The following KIAA0586 variants were observed in gnomAD, a reference collection of about 807,000 sequenced individuals.
KIAA0586 encodes protein TALPID3.
In KIAA0586, 144 loss-of-function variants were observed where a neutral mutation model predicts 169.8. That is an observed-to-expected ratio of 0.85 (90% CI 0.74 to 0.97). KIAA0586 has a LOEUF of 0.97. Ranked by LOEUF, KIAA0586 falls within the 50% of genes least tolerant of loss-of-function variation. KIAA0586 has a pLI of 0.00. For synonymous variants in KIAA0586, 625 were observed against 612.4 expected (o/e 1.02, Z -0.30); for missense variants, 1,854 against 1,823.0 (o/e 1.02, Z -0.31).
At chr14:58,429,235 TG>T (rs2037152239) in intron 1 of KIAA0586, 127 bp from the exon 2 acceptor site, 4 of 598,488 alleles carry the variant, frequency 6.7e-6, no homozygotes, top group Non-Finnish European at 1.2e-5. Flanking sequence ...TAACTTTTTT[TG>T]CATGCAAATT....
At chr14:58,442,291 G>A (rs2038460252) in intron 4 of KIAA0586, among the ~76,000 whole-genome samples, 1 of 151,958 alleles carries the variant, frequency 6.6e-6, no homozygotes, top group African/African-American at 2.4e-5. Flanking sequence ...TGTATTTTTA[G>A]TAGAGACGGG....
At chr14:58,515,438 G>A (rs1376250658) in intron 29 of KIAA0586, among the ~76,000 whole-genome samples, 1 of 152,018 alleles carries the variant, frequency 6.6e-6, no homozygotes, top group Non-Finnish European at 1.5e-5. Flanking sequence ...TGAACATTAG[G>A]AAATTCAAAG....
chr14:58,463,929 G>A, intron 14 of KIAA0586: 2 of 393,608 alleles, frequency 5.1e-6, no homozygotes, highest in Non-Finnish European at 1.0e-5. Flanking sequence ...ACCAACCTGG[G>A]CACTGGGGAG....
chr14:58,507,408 T>C (rs1488909369), intron 27 of KIAA0586, among the ~76,000 whole-genome samples: 3 of 147,568 alleles, frequency 2.0e-5, no homozygotes, highest in Admixed American at 6.8e-5. Flanking sequence ...AAATTTTAAA[T>C]ATATATATTT....
chr14:58,500,768 AG>A (rs141583627), intron 27 of KIAA0586, among the ~76,000 whole-genome samples: 7,341 of 152,030 alleles, frequency 0.048, 256 homozygotes, highest in South Asian at 0.11. Flanking sequence ...TTCAGCACTA[AG>A]GGGCCATTTT....
At chr14:58,445,942 C>G (rs1244287618) in intron 6 of KIAA0586, among the ~76,000 whole-genome samples, 1 of 151,586 alleles carries the variant, frequency 6.6e-6, no homozygotes, top group Non-Finnish European at 1.5e-5. Context: ...AATCTCAGTT[C>G]ACTGCAGCCT....
Position 58,444,190 on chromosome 14 carries a change from T to A in KIAA0586, c.807+15T>A, listed in dbSNP as rs2038658361. On this transcript the variant is annotated intron_variant, in intron 6 of 30. Coordinates refer to ENST00000652326, the MANE Select transcript of KIAA0586 (RefSeq NM_001329943.3). ...TAGATATTCAGGTATCTGTAATAAA[T>A]CCAGTACAGATTCCATAATCTTTTA... 3 of 1,502,322 alleles carry A rather than the reference T, an allele frequency of 2.0e-6. No homozygotes were observed. The African/African-American group carries it at 4.1e-5, about 21-fold the overall frequency. 93.1% of individuals were successfully genotyped at this position (1,502,322 alleles called of 1,614,324 possible).
At chr14:58,487,198 AT>A (rs1282929809) in intron 22 of KIAA0586, 32 bp downstream of exon 22, 1 of 1,560,736 alleles carries the variant, frequency 6.4e-7, no homozygotes, top group Admixed American at 1.8e-5. Flanking sequence ...CTCGGTTTTA[AT>A]TTTAGCAACT....
chr14:58,499,024 G>A (rs1192876767), intron 27 of KIAA0586, 64 bp downstream of exon 27: 3 of 1,385,216 alleles, frequency 2.2e-6, no homozygotes, highest in African/African-American at 1.5e-5. Flanking sequence ...GTTGAGGAAA[G>A]TATACCTATT....
intron 29 of KIAA0586, among the ~76,000 whole-genome samples, chr14:58,527,135 C>T (rs763651890): frequency 2.6e-5 from 4 of 151,822 alleles, no homozygotes; most frequent in Non-Finnish European, 4.4e-5. Context: ...AGAAATAAAG[C>T]GTGAAGACAA....
intron 28 of KIAA0586, among the ~76,000 whole-genome samples, chr14:58,510,412 A>G (rs895028676): frequency 3.3e-5 from 5 of 152,162 alleles, no homozygotes; most frequent in African/African-American, 1.2e-4. Flanking sequence ...CATTAGGAAA[A>G]TGCAAAATAA....
rs768829727 is a variant in KIAA0586, at chr14:58,458,522, A to G, written c.1633A>G (p.Lys545Glu). ...CAGAAAGACAGTGGATGAATGGATT[A>G]AAACTATTTCTGCAGAAATTCAGGT... ...RIRKTVDEWI[K>E]TISAEIQDEL... The change falls in exon 12 of 31, where the codon AAA (lysine) becomes GAA (glutamate). Residue 545 changes from lysine (K) to glutamate (E), a missense_variant. Transcript: ENST00000652326. The G allele has an allele frequency of 6.5e-6, 10 of 1,541,748 alleles. No individual in the cohort carries two copies. The highest frequency in any genetic ancestry group is 8.8e-6 in the Non-Finnish European group (10 of 1,140,036).
intron 30 of KIAA0586, among the ~76,000 whole-genome samples, chr14:58,542,250 G>C (rs1290817347): frequency 6.6e-6 from 1 of 151,810 alleles, no homozygotes; most frequent in Non-Finnish European, 1.5e-5. Context: ...AGGCCGAGGT[G>C]GGCAGATCAC....
At chr14:58,473,798 C>T (rs1743711) in intron 18 of KIAA0586, among the ~76,000 whole-genome samples, 148,662 of 152,138 alleles carry the variant, frequency 0.98, 72,720 homozygotes, top group Non-Finnish European at 1. Context: ...GCCAGCATCT[C>T]GGGAGGCTGA....
In KIAA0586 at chr14:58,428,363, G is replaced by A. The variant is rs2037031875; in HGVS notation, c.99G>A (p.Leu33=). The A allele has an allele frequency of 1.9e-6, 3 of 1,613,950 alleles. No individual in the cohort carries two copies. The highest frequency in any genetic ancestry group is 2.2e-5 in the East Asian group (1 of 44,878). The stretch of plus-strand genomic sequence containing the variant: ...TTTCTCAAAATCATGGAGATCATTT[G>A]GTTTTGCTGAAAGATGAGTTGCCCT... ...EVVSQNHGDH[L]VLLKDELPCV... Residue 33 remains leucine, a synonymous_variant, in exon 1 of 31, where the codon TTG becomes TTA. Coordinates refer to ENST00000652326, the MANE Select transcript of KIAA0586 (RefSeq NM_001329943.3).
chr14:58,428,358 C>G lies in KIAA0586; in HGVS notation c.94C>G (p.His32Asp), dbSNP rs948897531. ...REVVSQNHGD[H>D]LVLLKDELPC... ...GGTAGTTTCTCAAAATCATGGAGAT[C>G]ATTTGGTTTTGCTGAAAGATGAGTT... The change falls in exon 1 of 31, where the codon CAT becomes GAT. Residue 32 changes from histidine (H) to aspartate (D), a missense_variant. His to Asp is a moderately conservative substitution (Grantham distance 81). Coordinates refer to ENST00000652326, the MANE Select transcript of KIAA0586 (RefSeq NM_001329943.3). 1 of 1,613,596 alleles carries G rather than the reference C, an allele frequency of 6.2e-7. No individual in the cohort carries two copies. The highest frequency in any genetic ancestry group is 1.3e-5 in the African/African-American group (1 of 74,886).
At chr14:58,509,467 T>TTTTTAGATTA (rs2044230585) in intron 28 of KIAA0586, among the ~76,000 whole-genome samples, 1 of 152,184 alleles carries the variant, frequency 6.6e-6, no homozygotes, top group African/African-American at 2.4e-5. Flanking sequence ...ATAGGTTAAT[T>TTTTTAGATTA]ACTCACCAAG....
At position 58,462,689 on chromosome 14, in the gene KIAA0586, C is replaced by T. The variant is rs75095210; in HGVS notation, c.2059+1529C>T. ...TTTAATGATCAGAAGTGATTAAGAGCCTGTATTAGTTCATTTTCACACTGC... is the reference window on the plus strand; with the variant it reads ...TTTAATGATCAGAAGTGATTAAGAGTCTGTATTAGTTCATTTTCACACTGC... On this transcript the variant is annotated intron_variant, in intron 14 of 30. Coordinates refer to ENST00000652326, the MANE Select transcript of KIAA0586 (RefSeq NM_001329943.3). 9.9e-3 allele frequency among the ~76,000 whole-genome samples: 1,506 copies of T among 152,262 alleles called. 27 individuals carry two copies. Among genetic ancestry groups the T allele is most frequent in the African/African-American group, 0.035 (1,454 of 41,540 alleles).
intron 30 of KIAA0586, 77 bp from the exon 31 acceptor site, chr14:58,547,704 T>A: frequency 3.1e-4 from 203 of 658,404 alleles, no homozygotes; most frequent in Middle Eastern, 5.4e-4. Flanking sequence ...CCCAACCTCA[T>A]ATTATTTCGC....
Sources: gnomAD v4.1 joint callset for allele counts (sites outside exome capture counted in the v4.1 genomes callset) on GRCh38, gnomAD v4.1.1 for gene constraint, MANE v1.5 for transcripts, NCBI Gene and HGNC (gene_info 2026-07-23, HGNC 2026-07-21) for gene names.